The following PRR14L variants were observed in gnomAD, a reference collection of about 807,000 sequenced individuals.
The protein encoded by PRR14L is protein PRR14L.
Under a neutral mutation model 155.0 loss-of-function variants are expected in PRR14L, and 80 were observed. The ratio of observed to expected loss-of-function variants is 0.52; its 90% CI spans 0.43 to 0.62. The LOEUF is 0.62. Among genes scored for constraint, PRR14L ranks in the 20% least tolerant of loss-of-function variants. The pLI is 0.00. For synonymous variants in PRR14L, 883 were observed against 916.0 expected, an observed-to-expected ratio of 0.96 and a Z score of 0.65; for missense variants, 2,469 against 2,548.0, an observed-to-expected ratio of 0.97 and a Z score of 0.67.
chr22:31,745,790 C>G (rs987486503), intron 1 of PRR14L, among the ~76,000 whole-genome samples: 1 of 147,024 alleles, frequency 6.8e-6, no homozygotes, highest in African/African-American at 2.5e-5. Flanking sequence ...GAGGTTGCAG[C>G]GAGCAGAGAT....
chr22:31,746,019 C>T (rs956647224), intron 1 of PRR14L, among the ~76,000 whole-genome samples: 2 of 151,658 alleles, frequency 1.3e-5, no homozygotes, highest in African/African-American at 4.8e-5. Context: ...TAACTTCAAA[C>T]TCTGGACTCA....
intron 1 of PRR14L, among the ~76,000 whole-genome samples, chr22:31,739,331 C>T (rs1349590048): frequency 1.3e-5 from 2 of 152,110 alleles, no homozygotes; most frequent in Non-Finnish European, 1.5e-5. Context: ...AGTACGTACT[C>T]GGCAAATATT....
At chr22:31,719,130 C>T (rs2074676780) in intron 3 of PRR14L, among the ~76,000 whole-genome samples, 1 of 151,924 alleles carries the variant, frequency 6.6e-6, no homozygotes, top group Non-Finnish European at 1.5e-5. Flanking sequence ...GAGTTTGATG[C>T]AGTACCTCAC....
rs946896292 is a variant in PRR14L at position 31,712,922 on chromosome 22, C to T, written c.4917G>A (p.Arg1639=). 1.3e-6 allele frequency: 2 copies of T among 1,551,856 alleles called. No individual in the cohort carries two copies. The highest frequency in any genetic ancestry group is 8.7e-7 in the Non-Finnish European group (1 of 1,147,030). Residue 1639 remains arginine (R), a synonymous_variant, in exon 4 of 9, where the codon CGG becomes CGA. Transcript: ENST00000327423. ...AMKTQKLRYR[R]CSSELLPMAK... The stretch of plus-strand genomic sequence containing the variant: ...CCATTGGAAGAAGTTCAGAGGAACA[C>T]CGTCGGTATCTTAGCTTCTGAGTCT...
chr22:31,713,250 G>A lies in PRR14L; in HGVS notation c.4589C>T (p.Ser1530Phe). 6.4e-7 allele frequency: 1 copy of A among 1,552,066 alleles called. No individual in the cohort carries two copies. The highest frequency in any genetic ancestry group is 8.7e-7 in the Non-Finnish European group (1 of 1,147,084). ...KQPHRTCKKV[S>F]YQEQIIVGRK... ...CCCAACAATGATTTGCTCCTGATAGGAAACTTTCTTACAAGTTCGATGGGG... is the reference window on the plus strand; with the variant it reads ...CCCAACAATGATTTGCTCCTGATAGAAAACTTTCTTACAAGTTCGATGGGG... Residue 1530 changes from serine to phenylalanine, a missense_variant, in exon 4 of 9, where the codon TCC (serine) becomes TTC (phenylalanine). Around this residue, in one of 2 missense-constraint regions of PRR14L, gnomAD observed 2,363 missense variants for 2,371.6 expected, o/e 1.00. Coordinates refer to ENST00000327423, the MANE Select transcript of PRR14L (RefSeq NM_173566.3).
chr22:31,712,204 A>C lies in PRR14L; in HGVS notation c.5635T>G (p.Tyr1879Asp). ...IADKVFCSLP[Y>D]SVGRVLSIWS... ...ATGGATAGGACTCTGCCCACCGAGT[A>C]GGGCAGAGAACAGAAGACCTTGTCT... is the stretch of plus-strand genomic sequence containing the variant. Residue 1879 changes from tyrosine (Y) to aspartate (D), a missense_variant, in exon 4 of 9, where the codon TAC (tyrosine) becomes GAC (aspartate). Physicochemically the swap from Tyr to Asp is radical, Grantham distance 160. Transcript: ENST00000327423. The C allele has an allele frequency of 6.2e-7, 1 of 1,614,000 alleles. No homozygotes were observed.
rs199650790 is a variant in PRR14L at position 31,698,310 on chromosome 22, C to T, written c.6107+3346G>A. 1.1e-4 allele frequency among the ~76,000 whole-genome samples: 16 copies of T among 152,194 alleles called. No individual in the cohort carries two copies. The East Asian group carries it at 2.3e-3, about 22-fold the overall frequency. On this transcript the variant is annotated intron_variant, in intron 7 of 8. Coordinates refer to ENST00000327423, the MANE Select transcript of PRR14L (RefSeq NM_173566.3). ...AATGTGCTGTGATTACAGGCATGAG[C>T]TACCATGCCCGGCCAGATGTTATAA...
chr22:31,699,542 C>T (rs936919470), intron 7 of PRR14L, among the ~76,000 whole-genome samples: 1 of 152,092 alleles, frequency 6.6e-6, no homozygotes, highest in Non-Finnish European at 1.5e-5. Flanking sequence ...GCAAATATTC[C>T]AAAATCTGAA....
intron 3 of PRR14L, 109 bp from the exon 4 acceptor site, chr22:31,717,400 T>A (rs990899502): frequency 9.2e-6 from 8 of 867,604 alleles, no homozygotes; most frequent in Middle Eastern, 3.1e-4. Flanking sequence ...AAGACCCAAC[T>A]CAAAAAGAAA....
chr22:31,709,644 G>A (rs1018944804), intron 4 of PRR14L, among the ~76,000 whole-genome samples: 24 of 145,766 alleles, frequency 1.6e-4, no homozygotes, highest in African/African-American at 5.6e-4. Flanking sequence ...GGATTCAAGC[G>A]ATTCTCCTGC....
intron 3 of PRR14L, among the ~76,000 whole-genome samples, chr22:31,719,783 C>T (rs529408374): frequency 1.0e-3 from 153 of 151,400 alleles, no homozygotes; most frequent in Middle Eastern, 3.5e-3. Flanking sequence ...GTTGCCTAGG[C>T]TGGAGTGCAG....
intron 4 of PRR14L, among the ~76,000 whole-genome samples, chr22:31,708,237 T>C (rs1015763462): frequency 2.0e-5 from 3 of 152,146 alleles, no homozygotes; most frequent in African/African-American, 7.2e-5. Flanking sequence ...AATGTTCATG[T>C]TCTGGGTTTT....
At chr22:31,711,266 A>G (rs2074619844) in intron 4 of PRR14L, among the ~76,000 whole-genome samples, 1 of 152,100 alleles carries the variant, frequency 6.6e-6, no homozygotes, top group Admixed American at 6.6e-5. Context: ...GGACGCCAGG[A>G]GTTCAAGACC....
chr22:31,698,178 C>T (rs2074544722), intron 7 of PRR14L, among the ~76,000 whole-genome samples: 1 of 151,846 alleles, frequency 6.6e-6, no homozygotes, highest in Non-Finnish European at 1.5e-5. Context: ...GTGCCTGCCA[C>T]CATGCCTAGC....
In PRR14L at chr22:31,716,604, G is replaced by A; in HGVS notation, c.1235C>T (p.Pro412Leu). ...LLIPRSERGG[P>L]FLFNAREPEK... The stretch of plus-strand genomic sequence containing the variant: ...TGGTTCCCTGGCATTAAAAAGAAAA[G>A]GTCCACCTCTTTCACTCCTAGGAAT... The change falls in exon 4 of 9, where the codon CCT becomes CTT. Residue 412 changes from proline (P) to leucine (L), a missense_variant. Pro to Leu is a moderately conservative substitution (Grantham distance 98, BLOSUM62 -3). Coordinates refer to ENST00000327423, the MANE Select transcript of PRR14L (RefSeq NM_173566.3). 6.4e-7 allele frequency: 1 copy of A among 1,551,250 alleles called. No homozygotes were observed. Among genetic ancestry groups the A allele is most frequent in the South Asian group, 1.2e-5 (1 of 83,920 alleles).
At position 31,715,053 on chromosome 22, in the gene PRR14L, A is replaced by C. The variant is rs1281956744; in HGVS notation, c.2786T>G (p.Leu929Arg). 3 of 1,551,720 alleles carry C rather than the reference A, an allele frequency of 1.9e-6. No individual in the cohort carries two copies. The highest frequency in any genetic ancestry group is 2.6e-6 in the Non-Finnish European group (3 of 1,146,808). Reference sequence around the variant, plus strand: ...ACCTGGAATGTTTACAGTCTGGTTTAGTTCTTGTATAGCATGATCAGAGAT... The same window carrying C: ...ACCTGGAATGTTTACAGTCTGGTTTCGTTCTTGTATAGCATGATCAGAGAT... Reference protein sequence around the residue: ...YNISDHAIQELNQTVNIPGPE... With the variant: ...YNISDHAIQERNQTVNIPGPE... Residue 929 changes from leucine (L) to arginine (R), a missense_variant, in exon 4 of 9, where the codon CTA (leucine) becomes CGA (arginine). This residue lies in a region of PRR14L where 2,363 missense variants were observed against 2,371.6 expected (regional missense o/e 1.00). Coordinates refer to ENST00000327423, the MANE Select transcript of PRR14L (RefSeq NM_173566.3).
In PRR14L at chr22:31,725,573, T is replaced by C. The variant is rs1187033824; in HGVS notation, c.512A>G (p.His171Arg). 5.2e-6 allele frequency: 8 copies of C among 1,551,114 alleles called. No individual in the cohort carries two copies. The highest frequency in any genetic ancestry group is 2.0e-5 in the Admixed American group (1 of 50,966). Residue 171 changes from histidine (H) to arginine (R), a missense_variant, in exon 3 of 9, where the codon CAT becomes CGT. His to Arg is a conservative substitution (Grantham distance 29, BLOSUM62 0). Coordinates refer to ENST00000327423, the MANE Select transcript of PRR14L (RefSeq NM_173566.3). ...TAGAAAATCTTCAGGGAGGTCCACA[T>C]GTGAAAGTTCTTTGCTGGACTGCAT... ...LLMQSSKELS[H>R]VDLPEDFLRS...
intron 2 of PRR14L, among the ~76,000 whole-genome samples, chr22:31,736,121 A>C (rs1454134599): frequency 2.0e-5 from 3 of 150,362 alleles, no homozygotes; most frequent in African/African-American, 7.4e-5. Flanking sequence ...CAGGAGGCTG[A>C]GGCAGGAGAA....
intron 7 of PRR14L, among the ~76,000 whole-genome samples, chr22:31,691,122 C>A (rs926822731): frequency 1.3e-5 from 2 of 151,592 alleles, no homozygotes; most frequent in Non-Finnish European, 2.9e-5. Context: ...TACCACCACG[C>A]GCGGCTAATT....
Sources: allele counts gnomAD v4.1 joint callset (sites outside exome capture counted in the v4.1 genomes callset), GRCh38; gene constraint gnomAD v4.1.1; regional missense constraint gnomAD v4.1.1; transcripts MANE v1.5; gene names NCBI Gene and HGNC (gene_info 2026-07-23, HGNC 2026-07-21).